The following LIN28B variants were observed in gnomAD, a reference collection of about 807,000 sequenced individuals.
The protein encoded by LIN28B is protein lin-28 homolog B.
Under a neutral mutation model 21.9 loss-of-function variants are expected in LIN28B, and 5 were observed. The ratio of observed to expected loss-of-function variants is 0.23; its 90% CI spans 0.12 to 0.48. LIN28B has a LOEUF of 0.48. Among genes scored for constraint, LIN28B ranks in the 20% least tolerant of loss-of-function variants. The probability of loss-of-function intolerance (pLI) is 0.98; values close to 1 mark genes in which losing one functional copy is unlikely to be tolerated. For missense variants in LIN28B, 245 were observed against 310.5 expected, an observed-to-expected ratio of 0.79 and a Z score of 1.58; for synonymous variants, 109 against 111.3, an observed-to-expected ratio of 0.98 and a Z score of 0.13.
upstream of LIN28B, among the ~76,000 whole-genome samples, chr6:104,955,112 T>C (rs562476066): frequency 3.3e-5 from 5 of 152,314 alleles, no homozygotes; most frequent in African/African-American, 9.6e-5. Flanking sequence ...TGAAAAAATA[T>C]AAATTACTTT....
At chr6:104,968,416 A>G (rs1769907544) in intron 2 of LIN28B, among the ~76,000 whole-genome samples, 1 of 152,230 alleles carries the variant, frequency 6.6e-6, no homozygotes, top group Non-Finnish European at 1.5e-5. Context: ...TGTTTTTGCC[A>G]GTGCTTAGAA....
chr6:104,989,425 G>A (rs909148521), intron 2 of LIN28B, among the ~76,000 whole-genome samples: 5 of 152,026 alleles, frequency 3.3e-5, no homozygotes, highest in African/African-American at 4.8e-5. Context: ...GTTGTGCCAT[G>A]TTGACCAGGC....
At chr6:105,064,128 G>A (rs955742205) in intron 3 of LIN28B, among the ~76,000 whole-genome samples, 2 of 152,216 alleles carry the variant, frequency 1.3e-5, no homozygotes, top group Admixed American at 1.3e-4. Context: ...TAGTGGCTCT[G>A]TGGTGCATAT....
chr6:105,043,918 G>C (rs1039991127), intron 3 of LIN28B, among the ~76,000 whole-genome samples: 7 of 151,952 alleles, frequency 4.6e-5, no homozygotes, highest in African/African-American at 1.7e-4. Context: ...ATTTTTAATA[G>C]TTTTTCAATA....
At chr6:104,958,077 T>G (rs1307011497) in intron 1 of LIN28B, 22 bp from the exon 2 acceptor site, 1 of 1,524,628 alleles carries the variant, frequency 6.6e-7, no homozygotes, top group East Asian at 2.3e-5. Context: ...CAGACTGACT[T>G]TTTTGTCCTG....
chr6:105,060,006 C>T (rs938006789), intron 3 of LIN28B, among the ~76,000 whole-genome samples: 4 of 151,682 alleles, frequency 2.6e-5, no homozygotes, highest in South Asian at 2.1e-4. Context: ...CAGGTTCAAG[C>T]GATTCTCCTG....
chr6:105,020,107 C>CTTT (rs1158938023), intron 2 of LIN28B, among the ~76,000 whole-genome samples: 204 of 87,568 alleles, frequency 2.3e-3, no homozygotes, highest in African/African-American at 3.6e-3. Flanking sequence ...TCCTGTTATT[C>CTTT]TTTTTTTTTT....
At position 105,028,650 on chromosome 6, in the gene LIN28B, C is replaced by A. The variant is rs1198723960; in HGVS notation, c.383+2168C>A. Among the ~76,000 whole-genome samples, 3 of 152,214 alleles carry A rather than the reference C, an allele frequency of 2.0e-5. No individual in the cohort carries two copies. In the East Asian group the frequency reaches 5.8e-4, roughly 29 times the overall value. On this transcript the variant is annotated intron_variant, in intron 3 of 3. Coordinates refer to ENST00000345080, the MANE Select transcript of LIN28B (RefSeq NM_001004317.4). Reference sequence around the variant, plus strand: ...GGACTATTTATCAAGATGGGGAAACCTACAGAAGGAGCCTGAAATCAAAAG... The same window carrying A: ...GGACTATTTATCAAGATGGGGAAACATACAGAAGGAGCCTGAAATCAAAAG...
intron 3 of LIN28B, among the ~76,000 whole-genome samples, chr6:105,034,116 GTTGTATACATATAGCT>G (rs1400124857): frequency 1.3e-5 from 2 of 151,742 alleles, no homozygotes; most frequent in Non-Finnish European, 2.9e-5. Flanking sequence ...GTATATGTTG[GTTGTATACATATAGCT>G]TTGTAATTTT....
In LIN28B at chr6:105,026,500, GTTAAT is replaced by G. The variant is rs2045204917; in HGVS notation, c.383+22_383+26del. The G allele has an allele frequency of 1.4e-6, 2 of 1,467,422 alleles. No homozygotes were observed. The highest frequency in any genetic ancestry group is 1.8e-6 in the Non-Finnish European group (2 of 1,085,198). The allele number at this position is 1,467,422 out of a possible 1,614,324, so 90.9% of individuals were successfully genotyped here. ...GGAGATAGGTAATCATTTTTACTTTGTTAATTTATCAGTTTATTGTGTTTGGAAAG... is the reference window on the plus strand; with the variant it reads ...GGAGATAGGTAATCATTTTTACTTTGTTATCAGTTTATTGTGTTTGGAAAG... On this transcript the variant is annotated intron_variant, in intron 3 of 3. Transcript: ENST00000345080.
intron 2 of LIN28B, among the ~76,000 whole-genome samples, chr6:105,015,303 T>G (rs1309619771): frequency 6.6e-6 from 1 of 152,198 alleles, no homozygotes. Flanking sequence ...TTGATAATAC[T>G]CTTTATCTTA....
chr6:105,002,492 G>A (rs1211448838), intron 2 of LIN28B, among the ~76,000 whole-genome samples: 1 of 151,928 alleles, frequency 6.6e-6, no homozygotes, highest in Admixed American at 6.6e-5. Context: ...GCCCATCTAC[G>A]GCTGTTTAAA....
intron 2 of LIN28B, among the ~76,000 whole-genome samples, chr6:105,004,896 T>C (rs956982355): frequency 6.6e-6 from 1 of 152,216 alleles, no homozygotes; most frequent in African/African-American, 2.4e-5. Flanking sequence ...TATATAGGCC[T>C]GCTTGATAGC....
At chr6:105,021,644 A>T (rs527698657) in intron 2 of LIN28B, among the ~76,000 whole-genome samples, 1 of 152,182 alleles carries the variant, frequency 6.6e-6, no homozygotes, top group South Asian at 2.1e-4. Flanking sequence ...TGTATGTCTT[A>T]TTTGCAAAAT....
Position 104,957,158 on chromosome 6 carries a change from A to G in LIN28B, c.-93A>G. ...TGCGAGCTAAATTTGTGATCGCACA[A>G]AATCAAGATGTTAGATTGATGCAGA... On this transcript the variant is annotated 5_prime_UTR_variant, in exon 1 of 4. Coordinates refer to ENST00000345080, the MANE Select transcript of LIN28B (RefSeq NM_001004317.4). 1 of 1,612,654 alleles carries G rather than the reference A, an allele frequency of 6.2e-7. No individual in the cohort carries two copies.
chr6:104,990,950 A>G (rs138507259), intron 2 of LIN28B, among the ~76,000 whole-genome samples: 2,622 of 152,304 alleles, frequency 0.017, 75 homozygotes, highest in African/African-American at 0.06. Flanking sequence ...GGAGTCTCCT[A>G]TGTCTCCTTC....
At chr6:104,951,138 T>G (rs545040504) in intron 3 of LIN28B, among the ~76,000 whole-genome samples, 1 of 152,296 alleles carries the variant, frequency 6.6e-6, no homozygotes, top group South Asian at 2.1e-4. Flanking sequence ...TAAAATTAAC[T>G]TAAAAGTTAT....
intron 2 of LIN28B, among the ~76,000 whole-genome samples, chr6:105,026,064 T>A (rs75531906): frequency 0.014 from 2,146 of 152,254 alleles, 51 homozygotes; most frequent in African/African-American, 0.046. Context: ...ACAAAGAATA[T>A]GCACATTTTA....
chr6:105,011,475 C>T (rs1034221034), intron 2 of LIN28B, among the ~76,000 whole-genome samples: 4 of 152,188 alleles, frequency 2.6e-5, no homozygotes, highest in Admixed American at 2.6e-4. Flanking sequence ...TAGGCGTGAG[C>T]CACTGTGCCT....
Sources: gnomAD v4.1 joint callset for allele counts (sites outside exome capture counted in the v4.1 genomes callset) on GRCh38, gnomAD v4.1.1 for gene constraint, MANE v1.5 for transcripts, NCBI Gene and HGNC (gene_info 2026-07-23, HGNC 2026-07-21) for gene names.